CDYL2: variants seen among roughly 807,000 people sequenced by gnomAD.
CDYL2 encodes chromodomain Y like 2, also known as chromodomain Y-like protein 2.
A neutral mutation model predicts 49.4 loss-of-function variants in CDYL2; 23 were observed. The ratio of observed to expected loss-of-function variants is 0.47; its 90% CI spans 0.34 to 0.66. The LOEUF is 0.66. CDYL2 is among the 30% of genes least tolerant of loss of function. The pLI is 0.01. For missense variants in CDYL2, 678 were observed against 656.4 expected (o/e 1.03, Z -0.36); for synonymous variants, 360 against 268.8 (o/e 1.34, Z -3.32).
At chr16:80,804,912 C>A (rs1237664106), upstream of CDYL2, among the ~76,000 whole-genome samples, 1 of 152,012 alleles carries the variant, frequency 6.6e-6, no homozygotes, top group African/African-American at 2.4e-5. Context: ...CCTCCTCCAC[C>A]CTCGAGGGGA....
At chr16:80,783,265 G>A (rs1410896067) in intron 1 of CDYL2, among the ~76,000 whole-genome samples, 1 of 152,128 alleles carries the variant, frequency 6.6e-6, no homozygotes, top group Non-Finnish European at 1.5e-5. Context: ...ATATCAAAAG[G>A]TGTTCAACAA....
chr16:80,667,641 T>G (rs764334540), intron 2 of CDYL2, among the ~76,000 whole-genome samples: 1 of 152,154 alleles, frequency 6.6e-6, no homozygotes, highest in African/African-American at 2.4e-5. Flanking sequence ...TTAGCATACA[T>G]AGGAAAGGAT....
At chr16:80,623,306 T>C (rs1907164197) in intron 3 of CDYL2, among the ~76,000 whole-genome samples, 1 of 152,158 alleles carries the variant, frequency 6.6e-6, no homozygotes, top group Admixed American at 6.5e-5. Context: ...GTGAAATCAA[T>C]AGCCTCTCCT....
At chr16:80,694,730 A>G (rs1290848318) in intron 1 of CDYL2, among the ~76,000 whole-genome samples, 1 of 152,160 alleles carries the variant, frequency 6.6e-6, no homozygotes, top group East Asian at 1.9e-4. Context: ...AGCAACACAG[A>G]TCATGGTTTC....
intron 4 of CDYL2, among the ~76,000 whole-genome samples, chr16:80,619,097 T>G (rs894804670): frequency 6.6e-6 from 1 of 151,988 alleles, no homozygotes; most frequent in African/African-American, 2.4e-5. Context: ...ATTCTTGGAG[T>G]TCCTTGGCTT....
At chr16:80,632,640 A>AT (rs1262269400) in intron 3 of CDYL2, 1 of 255,120 alleles carries the variant, frequency 3.9e-6, no homozygotes, top group African/African-American at 2.2e-5. Flanking sequence ...AGTGAGATAC[A>AT]TTAACTGAGT....
intron 1 of CDYL2, among the ~76,000 whole-genome samples, chr16:80,770,875 A>G (rs1355483246): frequency 6.6e-6 from 1 of 152,242 alleles, no homozygotes; most frequent in Non-Finnish European, 1.5e-5. Flanking sequence ...ACGATTAGAC[A>G]GCCAAGATCT....
intron 2 of CDYL2, among the ~76,000 whole-genome samples, chr16:80,636,368 A>G (rs1254200250): frequency 6.6e-6 from 1 of 152,014 alleles, no homozygotes; most frequent in African/African-American, 2.4e-5. Flanking sequence ...ACAAGAAAAA[A>G]CCCAAACAAC....
chr16:80,654,808 C>T (rs1041652288), intron 2 of CDYL2, among the ~76,000 whole-genome samples: 1 of 152,224 alleles, frequency 6.6e-6, no homozygotes, highest in African/African-American at 2.4e-5. Flanking sequence ...AGCAATCAGG[C>T]TTTGTCAAAC....
intron 2 of CDYL2, 56 bp downstream of exon 2, chr16:80,684,482 G>A (rs1166577737): frequency 2.0e-6 from 3 of 1,524,452 alleles, no homozygotes; most frequent in African/African-American, 2.8e-5. Context: ...GCTACAGGCA[G>A]AGCTCCCCTT....
intron 2 of CDYL2, among the ~76,000 whole-genome samples, chr16:80,642,894 A>C (rs1236063874): frequency 6.6e-6 from 1 of 152,048 alleles, no homozygotes; most frequent in Non-Finnish European, 1.5e-5. Flanking sequence ...ACACAGTCAA[A>C]CCATATTATT....
At chr16:80,632,045 G>A (rs575806175) in intron 3 of CDYL2, among the ~76,000 whole-genome samples, 1 of 152,022 alleles carries the variant, frequency 6.6e-6, no homozygotes, top group South Asian at 2.1e-4. Context: ...ATAGACTCAA[G>A]AAAATCATAT....
chr16:80,677,863 C>G (rs565022527), intron 2 of CDYL2, among the ~76,000 whole-genome samples: 4 of 151,936 alleles, frequency 2.6e-5, no homozygotes, highest in African/African-American at 7.2e-5. Flanking sequence ...TCAAACTATA[C>G]TACAAGGCTA....
In CDYL2 at chr16:80,604,412, C is replaced by T; in HGVS notation, c.1497G>A (p.Leu499=). The change falls in exon 7 of 7, where the codon CTG becomes CTA. Residue 499 remains leucine, a synonymous_variant. Coordinates refer to ENST00000570137, the MANE Select transcript of CDYL2 (RefSeq NM_152342.4). ...SKGLDSLFSY[L]QDKIYEV ...CTCAGACTTCATAAATTTTGTCCTG[C>T]AGGTAGCTGAAAAGGGAGTCAAGGC... 1.2e-6 allele frequency: 2 copies of T among 1,614,144 alleles called. No homozygotes were observed.
chr16:80,711,738 G>A (rs989052745), intron 1 of CDYL2, among the ~76,000 whole-genome samples: 17 of 151,594 alleles, frequency 1.1e-4, no homozygotes, highest in African/African-American at 3.6e-4. Flanking sequence ...CCTAAGAGGC[G>A]CTTAATAAAT....
At chr16:80,645,109 C>CA (rs2142410521) in intron 2 of CDYL2, among the ~76,000 whole-genome samples, 1 of 152,302 alleles carries the variant, frequency 6.6e-6, no homozygotes, top group South Asian at 2.1e-4. Context: ...ACACCAAAAG[C>CA]AATGGCAACA....
At chr16:80,789,914 AAAG>A (rs1334805674) in intron 1 of CDYL2, among the ~76,000 whole-genome samples, 3 of 152,176 alleles carry the variant, frequency 2.0e-5, no homozygotes, top group South Asian at 4.1e-4. Context: ...CTCCAAAAGG[AAAG>A]AAGATGTGAG....
chr16:80,709,561 GACAC>G (rs10673992), intron 1 of CDYL2, among the ~76,000 whole-genome samples: 1,636 of 143,738 alleles, frequency 0.011, 9 homozygotes, highest in African/African-American at 0.016. Context: ...GGAATAAACA[GACAC>G]ACACACACAC....
At chr16:80,671,204 C>A (rs937949063) in intron 2 of CDYL2, among the ~76,000 whole-genome samples, 9 of 152,174 alleles carry the variant, frequency 5.9e-5, no homozygotes, top group Non-Finnish European at 1.3e-4. Flanking sequence ...CTGGGGCAGC[C>A]CTTAATGGAG....
Sources: allele counts gnomAD v4.1 joint callset (sites outside exome capture counted in the v4.1 genomes callset), GRCh38; gene constraint gnomAD v4.1.1; transcripts MANE v1.5; gene names NCBI Gene and HGNC (gene_info 2026-07-23, HGNC 2026-07-21).